The following PDLIM5 variants were observed in gnomAD, a reference collection of about 807,000 sequenced individuals.
The protein encoded by PDLIM5 is PDZ and LIM domain protein 5.
A neutral mutation model predicts 64.2 loss-of-function variants in PDLIM5; 34 were observed. The observed-to-expected ratio is 0.53, with a 90% CI of 0.40 to 0.71. PDLIM5 has a LOEUF of 0.71. PDLIM5 is among the 30% of genes least tolerant of loss of function. The pLI is 0.00. For synonymous variants in PDLIM5, 253 were observed against 269.1 expected, an observed-to-expected ratio of 0.94 and a Z score of 0.59; for missense variants, 683 against 733.6, an observed-to-expected ratio of 0.93 and a Z score of 0.80.
At chr4:94,618,282 A>G in intron 8 of PDLIM5, 91 bp downstream of exon 8, 1 of 789,486 alleles carries the variant, frequency 1.3e-6, no homozygotes, top group South Asian at 2.3e-5. Context: ...TTCACTGGTA[A>G]AACCCATTCT....
intron 8 of PDLIM5, among the ~76,000 whole-genome samples, chr4:94,633,903 G>T (rs946171685): frequency 4.6e-5 from 7 of 152,140 alleles, no homozygotes; most frequent in African/African-American, 1.7e-4. Flanking sequence ...AAGGAAGTGA[G>T]GGAGCAAGCC....
rs113220268 is a variant in PDLIM5, at chr4:94,635,430, G to A, written c.1109-4846G>A. Reference sequence around the variant, plus strand: ...GATTGTGAAATGGGGCTGATTCAACGCTCCTGTTTAATGTTATCATTAGAA... The same window carrying A: ...GATTGTGAAATGGGGCTGATTCAACACTCCTGTTTAATGTTATCATTAGAA... On this transcript the variant is annotated intron_variant, in intron 8 of 12. Transcript: ENST00000317968. 1.9e-3 allele frequency among the ~76,000 whole-genome samples: 290 copies of A among 151,924 alleles called. 3 individuals carry two copies. Among genetic ancestry groups the A allele is most frequent in the African/African-American group, 6.5e-3 (270 of 41,408 alleles).
chr4:94,606,230 T>G (rs1196820382), intron 7 of PDLIM5, among the ~76,000 whole-genome samples: 2 of 152,212 alleles, frequency 1.3e-5, no homozygotes, highest in Non-Finnish European at 2.9e-5. Flanking sequence ...GCTTCTAGTC[T>G]TCTGAGACTG....
At chr4:94,572,522 A>G (rs1318869421) in intron 3 of PDLIM5, among the ~76,000 whole-genome samples, 1 of 152,214 alleles carries the variant, frequency 6.6e-6, no homozygotes, top group African/African-American at 2.4e-5. Context: ...GCTCCAAACC[A>G]ATTATTGTTA....
chr4:94,555,458 A>G (rs1292001941), intron 3 of PDLIM5, among the ~76,000 whole-genome samples: 1 of 152,206 alleles, frequency 6.6e-6, no homozygotes, highest in Admixed American at 6.5e-5. Context: ...AGAAAAACTT[A>G]TTCTGCAATG....
At chr4:94,506,947 C>G (rs1728446801) in intron 2 of PDLIM5, among the ~76,000 whole-genome samples, 1 of 152,166 alleles carries the variant, frequency 6.6e-6, no homozygotes, top group Non-Finnish European at 1.5e-5. Context: ...ATCTTTCTCC[C>G]ACGCTGGATG....
chr4:94,607,476 A>G (rs1052468395), intron 7 of PDLIM5, among the ~76,000 whole-genome samples: 1 of 152,186 alleles, frequency 6.6e-6, no homozygotes, highest in Non-Finnish European at 1.5e-5. Context: ...TCAAAACCCT[A>G]CGATTGCATG....
intron 7 of PDLIM5, among the ~76,000 whole-genome samples, chr4:94,616,227 T>C (rs977820434): frequency 4.6e-5 from 7 of 152,222 alleles, no homozygotes; most frequent in African/African-American, 1.7e-4. Context: ...AATCCCAGAA[T>C]GAAAATGACC....
At chr4:94,659,791 G>A (rs1321441170) in intron 11 of PDLIM5, among the ~76,000 whole-genome samples, 1 of 151,666 alleles carries the variant, frequency 6.6e-6, no homozygotes, top group Admixed American at 6.6e-5. Context: ...GCCTCCCAAA[G>A]TGCTGGGATT....
At chr4:94,494,429 C>CTTTTTTTTTTTT (rs1261064734) in intron 2 of PDLIM5, among the ~76,000 whole-genome samples, 7 of 51,580 alleles carry the variant, frequency 1.4e-4, no homozygotes, top group Admixed American at 6.5e-4. Flanking sequence ...TTTTTTTTTT[C>CTTTTTTTTTTTT]TTGTTTTTTT....
chr4:94,624,249 C>T (rs959580010), intron 8 of PDLIM5, among the ~76,000 whole-genome samples: 14 of 151,956 alleles, frequency 9.2e-5, no homozygotes, highest in African/African-American at 2.7e-4. Flanking sequence ...GCCTGGGAGG[C>T]GGAGGTTGCA....
chr4:94,593,246 C>T lies in PDLIM5; in HGVS notation c.920+6802C>T, dbSNP rs532492971. On this transcript the variant is annotated intron_variant, in intron 7 of 12. Coordinates refer to ENST00000317968, the MANE Select transcript of PDLIM5 (RefSeq NM_006457.5). ...AAGGCCTAGCAATTCAATGAAATGA[C>T]TAATCTTGAAGGTGGTTGTTAAGAT... Among the ~76,000 whole-genome samples the T allele has an allele frequency of 2.6e-5, 4 of 152,298 alleles. No homozygotes were observed. The East Asian group carries it at 7.7e-4, about 29-fold the overall frequency.
chr4:94,598,191 G>A (rs983718077), intron 7 of PDLIM5, among the ~76,000 whole-genome samples: 34 of 152,088 alleles, frequency 2.2e-4, no homozygotes, highest in African/African-American at 8.0e-4. Flanking sequence ...TAGCATACAT[G>A]TTCAATAACC....
chr4:94,477,406 C>T (rs1725419868), intron 2 of PDLIM5, among the ~76,000 whole-genome samples: 1 of 152,132 alleles, frequency 6.6e-6, no homozygotes, highest in African/African-American at 2.4e-5. Context: ...CTTCTGTAAC[C>T]TTACAGAACA....
intron 11 of PDLIM5, among the ~76,000 whole-genome samples, chr4:94,660,359 GTTCT>G (rs1284637651): frequency 6.6e-6 from 1 of 152,016 alleles, no homozygotes; most frequent in Non-Finnish European, 1.5e-5. Flanking sequence ...TAACTTGAAT[GTTCT>G]TTGTCAGTTT....
At position 94,461,486 on chromosome 4, in the gene PDLIM5, A is replaced by G. The variant is rs551874007; in HGVS notation, c.96+6102A>G. On this transcript the variant is annotated intron_variant, in intron 2 of 12. Coordinates refer to ENST00000317968, the MANE Select transcript of PDLIM5 (RefSeq NM_006457.5). ...TGGTTCCTTAATTAACAGAGAGGGA[A>G]AAATCACTTTTCTAGCGTACTTTGT... 3.4e-3 allele frequency among the ~76,000 whole-genome samples: 515 copies of G among 152,084 alleles called. 1 individual carries two copies. The highest frequency in any genetic ancestry group is 0.012 in the African/African-American group (479 of 41,522).
At chr4:94,550,277 T>A (rs896195431) in intron 3 of PDLIM5, among the ~76,000 whole-genome samples, 1 of 152,182 alleles carries the variant, frequency 6.6e-6, no homozygotes, top group Non-Finnish European at 1.5e-5. Flanking sequence ...TATTCTCACT[T>A]TTTAGATTCA....
intron 10 of PDLIM5, among the ~76,000 whole-genome samples, chr4:94,654,976 T>A (rs1742101985): frequency 6.6e-6 from 1 of 152,184 alleles, no homozygotes; most frequent in Non-Finnish European, 1.5e-5. Flanking sequence ...ACCACACACA[T>A]CTGAGTTCTT....
chr4:94,642,320 C>T (rs1343929352), intron 9 of PDLIM5, among the ~76,000 whole-genome samples: 2 of 152,092 alleles, frequency 1.3e-5, no homozygotes, highest in Non-Finnish European at 2.9e-5. Flanking sequence ...CCATGATATC[C>T]TGTAATCACC....
Sources: allele counts gnomAD v4.1 joint callset (sites outside exome capture counted in the v4.1 genomes callset), GRCh38; gene constraint gnomAD v4.1.1; transcripts MANE v1.5; gene names NCBI Gene and HGNC (gene_info 2026-07-23, HGNC 2026-07-21).